ANKRD30A: variants seen among roughly 807,000 people sequenced by gnomAD.
The protein encoded by ANKRD30A is ankyrin repeat domain 30A, also known as ankyrin repeat domain-containing protein 30A.
ANKRD30A carries 170 observed loss-of-function variants against 166.3 expected under a neutral mutation model. The ratio of observed to expected loss-of-function variants is 1.02; its 90% CI spans 0.90 to 1.16. The LOEUF is 1.16. Among genes scored for constraint, ANKRD30A ranks in the 50% most tolerant of loss-of-function variants. ANKRD30A has a pLI of 0.00. For synonymous variants in ANKRD30A, 564 were observed against 508.9 expected (o/e 1.11, Z -1.46); for missense variants, 1,630 against 1,518.0 (o/e 1.07, Z -1.23).
intron 34 of ANKRD30A, among the ~76,000 whole-genome samples, chr10:37,221,896 T>TA (rs1021324514): frequency 3.3e-5 from 5 of 151,428 alleles, no homozygotes; most frequent in African/African-American, 1.2e-4. Flanking sequence ...GACATTATAC[T>TA]GTTCTCCAAA....
chr10:37,195,418 C>G lies in ANKRD30A; in HGVS notation c.2615-1863C>G, dbSNP rs556991829. Among the ~76,000 whole-genome samples the G allele has an allele frequency of 2.6e-5, 4 of 152,176 alleles. No homozygotes were observed. In the South Asian group the frequency reaches 8.3e-4, roughly 32 times the overall value. ...GAAGAAGTAGTTCAGTTTATGGTCT[C>G]ATTTCTCATATAAACTGTGAAAATT... On this transcript the variant is annotated intron_variant, in intron 27 of 35. Coordinates refer to ENST00000361713, the MANE Select transcript of ANKRD30A (RefSeq NM_052997.3).
At chr10:37,147,545 A>AT in intron 9 of ANKRD30A, 88 bp downstream of exon 9, 1 of 793,406 alleles carries the variant, frequency 1.3e-6, no homozygotes, top group South Asian at 2.2e-5. Context: ...GCCAAATAAA[A>AT]TTACCCACTA....
chr10:37,230,881 C>T (rs1843384402), intron 34 of ANKRD30A, among the ~76,000 whole-genome samples: 1 of 152,050 alleles, frequency 6.6e-6, no homozygotes, highest in African/African-American at 2.4e-5. Context: ...GCACAGGCCC[C>T]ACCTCCGATG....
In ANKRD30A at chr10:37,159,946, A is replaced by G. The variant is rs1309856743; in HGVS notation, c.1900+1360A>G. The stretch of plus-strand genomic sequence containing the variant: ...GATCTCCTGACCTTGTGATCCGCCC[A>G]CCTCGGCCTCCCAAAGTACTGGAAT... On this transcript the variant is annotated intron_variant, in intron 15 of 35. Coordinates refer to ENST00000361713, the MANE Select transcript of ANKRD30A (RefSeq NM_052997.3). Among the ~76,000 whole-genome samples, 32 of 152,068 alleles carry G rather than the reference A, an allele frequency of 2.1e-4. 1 individual carries two copies. The East Asian group carries it at 5.1e-3, about 24-fold the overall frequency.
intron 33 of ANKRD30A, among the ~76,000 whole-genome samples, chr10:37,218,707 G>T (rs1842723571): frequency 6.6e-6 from 1 of 150,466 alleles, no homozygotes; most frequent in Non-Finnish European, 1.5e-5. Context: ...TGTAATTCAG[G>T]GAAAGTTTTT....
At chr10:37,178,961 T>A (rs1288061574) in intron 24 of ANKRD30A, among the ~76,000 whole-genome samples, 1 of 148,822 alleles carries the variant, frequency 6.7e-6, no homozygotes, top group African/African-American at 2.5e-5. Context: ...ATTACTAGAA[T>A]TGGACTAAAC....
chr10:37,257,160 A>G, the ANKRD30A span, among the ~76,000 whole-genome samples: 2 of 151,056 alleles, frequency 1.3e-5, no homozygotes, highest in Non-Finnish European at 2.9e-5. Context: ...CATTTCTTCT[A>G]TATGTTCTAG....
At position 37,217,822 on chromosome 10, in the gene ANKRD30A, C is replaced by A. The variant is rs979109513; in HGVS notation, c.3211C>A (p.Gln1071Lys). The A allele has an allele frequency of 2.5e-6, 4 of 1,600,706 alleles. No homozygotes were observed. The highest frequency in any genetic ancestry group is 3.4e-6 in the Non-Finnish European group (4 of 1,172,926). Residue 1071 changes from glutamine to lysine, a missense_variant, in exon 33 of 36, where the codon CAG becomes AAG. Physicochemically the swap from Gln to Lys is moderately conservative, Grantham distance 53. Transcript: ENST00000361713. The part of the protein sequence containing the change: ...KELEVKQQLE[Q>K]ALRIQDIELK... The stretch of plus-strand genomic sequence containing the variant: ...GTTAGAAGTGAAACAACAACTTGAA[C>A]AGGCTCTCAGAATACAAGATATAGA...
chr10:37,253,856 T>G, the ANKRD30A span, among the ~76,000 whole-genome samples: 1 of 152,076 alleles, frequency 6.6e-6, no homozygotes, highest in Non-Finnish European at 1.5e-5. Context: ...GTCACTATGT[T>G]AGCCAGGATG....
At chr10:37,258,458 A>G in the ANKRD30A span, among the ~76,000 whole-genome samples, 2 of 152,134 alleles carry the variant, frequency 1.3e-5, no homozygotes, top group Non-Finnish European at 2.9e-5. Context: ...AAACAAACTC[A>G]TATTTATACC....
chr10:37,262,213 T>A, the ANKRD30A span, among the ~76,000 whole-genome samples: 1 of 152,212 alleles, frequency 6.6e-6, no homozygotes, highest in Non-Finnish European at 1.5e-5. Flanking sequence ...AGAAAGATGG[T>A]GTCTCCCAAA....
At chr10:37,178,981 T>G (rs1217645135) in intron 24 of ANKRD30A, among the ~76,000 whole-genome samples, 9 of 147,812 alleles carry the variant, frequency 6.1e-5, no homozygotes, top group Non-Finnish European at 1.2e-4. Flanking sequence ...CCTCAGTGAC[T>G]CATTAATTTT....
rs201013352 is a variant in ANKRD30A, at chr10:37,138,770, C to G, written c.820+2099C>G. On this transcript the variant is annotated intron_variant, in intron 6 of 35. Transcript: ENST00000361713. ...ATCTGATTGGTGTACCTGAAAGTGA[C>G]GGGGAGAATGGAACCAAGTTGGAAA... 3.3e-5 allele frequency among the ~76,000 whole-genome samples: 5 copies of G among 152,252 alleles called. No individual in the cohort carries two copies. The East Asian group carries it at 9.7e-4, about 29-fold the overall frequency.
intron 27 of ANKRD30A, among the ~76,000 whole-genome samples, chr10:37,193,873 TTG>T (rs1371837617): frequency 6.6e-6 from 1 of 151,450 alleles, no homozygotes; most frequent in Admixed American, 6.6e-5. Flanking sequence ...GAATTAGTTC[TTG>T]TTGTCATTCC....
downstream of ANKRD30A, chr10:37,232,693 T>TATATATATATATATATATATAA (rs1491500759): frequency 3.1e-3 from 28 of 9,102 alleles, 1 homozygote; most frequent in Non-Finnish European, 5.6e-3. Context: ...TATATATATA[T>TATATATATATATATATATATAA]AAATAGAGAG....
the ANKRD30A span, among the ~76,000 whole-genome samples, chr10:37,237,965 G>A: frequency 6.6e-6 from 1 of 151,978 alleles, no homozygotes; most frequent in Non-Finnish European, 1.5e-5. Flanking sequence ...AAATTGAAAG[G>A]GACTTATAAA....
chr10:37,130,774 G>A (rs1836334871), intron 3 of ANKRD30A, among the ~76,000 whole-genome samples: 1 of 152,124 alleles, frequency 6.6e-6, no homozygotes, highest in Admixed American at 6.6e-5. Flanking sequence ...GGTGTCTCCA[G>A]CCCATATGAC....
the ANKRD30A span, among the ~76,000 whole-genome samples, chr10:37,260,762 C>A: frequency 1.7e-3 from 264 of 152,224 alleles, no homozygotes; most frequent in Non-Finnish European, 3.0e-3. Context: ...ATCTACCCAG[C>A]CTGTGAGCCA....
chr10:37,152,070 C>G lies in ANKRD30A; in HGVS notation c.1656C>G (p.Phe552Leu), dbSNP rs1837982924. ...NEQTLRADPM[F>L]PPESKQKDYE... The stretch of plus-strand genomic sequence containing the variant: ...ATTAACCTTTTATAGATCCGATGTT[C>G]CCACCAGAATCCAAACAAAAGGACT... The change falls in exon 12 of 36, where the codon TTC becomes TTG. Residue 552 changes from phenylalanine to leucine, a missense_variant. This residue lies in a region of ANKRD30A where 904 missense variants were observed against 818.5 expected (regional missense o/e 1.10). Coordinates refer to ENST00000361713, the MANE Select transcript of ANKRD30A (RefSeq NM_052997.3). The G allele has an allele frequency of 6.2e-7, 1 of 1,608,868 alleles. No homozygotes were observed. Among genetic ancestry groups the G allele is most frequent in the Non-Finnish European group, 8.5e-7 (1 of 1,176,764 alleles).
Sources: gnomAD v4.1 joint callset for allele counts (sites outside exome capture counted in the v4.1 genomes callset) on GRCh38, gnomAD v4.1.1 for gene constraint, gnomAD v4.1.1 regional missense constraint, MANE v1.5 for transcripts, NCBI Gene and HGNC (gene_info 2026-07-23, HGNC 2026-07-21) for gene names.